The following ZGRF1 variants were observed in gnomAD, a reference collection of about 807,000 sequenced individuals.
ZGRF1 encodes the protein 5'-3' DNA helicase ZGRF1.
ZGRF1 carries 196 observed loss-of-function variants against 203.5 expected under a neutral mutation model. The ratio of observed to expected loss-of-function variants is 0.96; its 90% confidence interval spans 0.86 to 1.08. ZGRF1 has a LOEUF of 1.08. Ranked by LOEUF, ZGRF1 falls within the 50% of genes least tolerant of loss-of-function variation. The pLI is 0.00. For missense variants in ZGRF1, 2,326 were observed against 2,416.3 expected (o/e 0.96, Z 0.78); for synonymous variants, 809 against 841.3 (o/e 0.96, Z 0.66).
At chr4:112,593,508 T>A (rs1748511046) in intron 10 of ZGRF1, among the ~76,000 whole-genome samples, 1 of 152,204 alleles carries the variant, frequency 6.6e-6, no homozygotes, top group African/African-American at 2.4e-5. Flanking sequence ...GCACGCACAA[T>A]AAAAATCAAA....
chr4:112,619,728 C>A, intron 5 of ZGRF1, 38 bp from the exon 6 acceptor site: 2 of 1,437,464 alleles, frequency 1.4e-6, no homozygotes, highest in Admixed American at 2.3e-5. Context: ...GTACCATTAC[C>A]CATTAAGAAA....
chr4:112,581,082 G>A (rs1002339649), intron 16 of ZGRF1, among the ~76,000 whole-genome samples: 5 of 151,938 alleles, frequency 3.3e-5, no homozygotes, highest in African/African-American at 9.7e-5. Flanking sequence ...TATACACCAC[G>A]GAGTACTATG....
In ZGRF1 at chr4:112,558,143, T is replaced by C. The variant is rs762319445; in HGVS notation, c.5120+7A>G. ...ATTAGCTACTTAAATGCACTTGTCA[T>C]GCCTACCCAAGAAGTACTCTGTCAA... On this transcript the variant is annotated splice_region_variant and intron_variant, in intron 20 of 27. Coordinates refer to ENST00000505019, the MANE Select transcript of ZGRF1 (RefSeq NM_018392.5). The C allele has an allele frequency of 1.3e-6, 2 of 1,599,904 alleles. No individual in the cohort carries two copies. The highest frequency in any genetic ancestry group is 2.3e-5 in the South Asian group (2 of 88,102).
chr4:112,628,652 G>T, intron 3 of ZGRF1: 1 of 456,232 alleles, frequency 2.2e-6, no homozygotes, highest in South Asian at 1.5e-5. Context: ...GGACTAACTT[G>T]AATCTATCTT....
At chr4:112,622,008 G>A (rs562821614) in intron 4 of ZGRF1, among the ~76,000 whole-genome samples, 7 of 151,632 alleles carry the variant, frequency 4.6e-5, no homozygotes, top group East Asian at 2.0e-4. Flanking sequence ...GATTACAGGC[G>A]TGAGCCACCG....
chr4:112,540,179 T>C, intron 26 of ZGRF1, 55 bp from the exon 27 acceptor site: 1 of 1,336,426 alleles, frequency 7.5e-7, no homozygotes, highest in Non-Finnish European at 9.8e-7. Context: ...AACTTAAGCC[T>C]CTGAACCTGC....
Position 112,552,721 on chromosome 4 carries a change from G to A in ZGRF1, c.5346+1114C>T, listed in dbSNP as rs75860889. 6.9e-3 allele frequency among the ~76,000 whole-genome samples: 1,043 copies of A among 152,118 alleles called. 7 individuals carry two copies. The highest frequency in any genetic ancestry group is 0.014 in the Middle Eastern group (4 of 294). The stretch of plus-strand genomic sequence containing the variant: ...TTATTATTTTCAGTTTCTCCTTCCC[G>A]CCCTAGGAAAGTATTATTACATATC... On this transcript the variant is annotated intron_variant, in intron 22 of 27. Transcript: ENST00000505019.
At chr4:112,574,965 G>A (rs1250118360) in intron 16 of ZGRF1, among the ~76,000 whole-genome samples, 1 of 151,830 alleles carries the variant, frequency 6.6e-6, no homozygotes, top group African/African-American at 2.4e-5. Flanking sequence ...GGCAGAGACT[G>A]CAGTGAACCT....
intron 16 of ZGRF1, among the ~76,000 whole-genome samples, chr4:112,573,950 G>A (rs1299111788): frequency 6.6e-6 from 1 of 152,166 alleles, no homozygotes; most frequent in East Asian, 1.9e-4. Context: ...AGAGAAGTGT[G>A]AGCTAAAACC....
rs1467531259 is a variant in ZGRF1 at position 112,619,414 on chromosome 4, C to A, written c.628G>T (p.Glu210Ter). The A allele has an allele frequency of 6.2e-7, 1 of 1,613,212 alleles. No individual in the cohort carries two copies. The highest frequency in any genetic ancestry group is 1.1e-5 in the South Asian group (1 of 90,942). Reference protein sequence around the residue: ...FQINPEVLCEENYFCSPVNSG... With the variant: ...FQINPEVLCE ...TTGACAGGTGAGCAAAAATAATTTTCTTCACACAGCACTTCTGGGTTAATC... is the reference window on the plus strand; with the variant it reads ...TTGACAGGTGAGCAAAAATAATTTTATTCACACAGCACTTCTGGGTTAATC... Residue 210 changes from glutamate to a stop codon, truncating the protein, a stop_gained, in exon 6 of 28, where the codon GAA (glutamate) becomes TAA (stop). Coordinates refer to ENST00000505019, the MANE Select transcript of ZGRF1 (RefSeq NM_018392.5). LOFTEE classifies it high-confidence loss of function.
In ZGRF1 at chr4:112,618,168, A is replaced by G; in HGVS notation, c.1874T>C (p.Ile625Thr). The part of the protein sequence containing the change: ...DKTYVGFDMG[I>T]CKTENTGKEI... ...TTTTCCTGTGTTTTCAGTTTTACAT[A>G]TTCCCATGTCAAAACCCACATAAGT... The change falls in exon 6 of 28, where the codon ATA becomes ACA. Residue 625 changes from isoleucine to threonine, a missense_variant. Ile to Thr is a moderately conservative substitution (Grantham distance 89). Transcript: ENST00000505019. The G allele has an allele frequency of 6.2e-7, 1 of 1,613,696 alleles. No individual in the cohort carries two copies. Among genetic ancestry groups the G allele is most frequent in the Non-Finnish European group, 8.5e-7 (1 of 1,179,810 alleles).
Position 112,585,707 on chromosome 4 carries a change from A to C in ZGRF1, c.3935T>G (p.Leu1312Arg). 6.4e-7 allele frequency: 1 copy of C among 1,574,378 alleles called. No homozygotes were observed. Among genetic ancestry groups the C allele is most frequent in the African/African-American group, 1.4e-5 (1 of 72,442 alleles). ...CTGCAGGTTTTGTGCTAACCCAAAC[A>C]GCAATATATTTAGATGTTCTACAAA... ...SCLIEHLNIL[L>R]FGLAQNLQKA... Residue 1312 changes from leucine to arginine, a missense_variant, in exon 14 of 28, where the codon CTG becomes CGG. Coordinates refer to ENST00000505019, the MANE Select transcript of ZGRF1 (RefSeq NM_018392.5).
intron 16 of ZGRF1, among the ~76,000 whole-genome samples, chr4:112,581,106 G>T (rs1266992294): frequency 6.6e-6 from 1 of 151,820 alleles, no homozygotes; most frequent in African/African-American, 2.4e-5. Flanking sequence ...CCATAAAAAA[G>T]GATGAGTTCA....
chr4:112,560,633 C>G, intron 19 of ZGRF1, 100 bp downstream of exon 19: 1 of 1,053,230 alleles, frequency 9.5e-7, no homozygotes, highest in Non-Finnish European at 1.4e-6. Flanking sequence ...TAGAGTTATT[C>G]TTGAACCTCA....
chr4:112,541,520 T>C (rs534903412), intron 24 of ZGRF1, among the ~76,000 whole-genome samples: 2 of 148,014 alleles, frequency 1.4e-5, no homozygotes, highest in South Asian at 2.2e-4. Context: ...CCTAACATTA[T>C]GGTTTTTTGT....
chr4:112,619,066 G>A lies in ZGRF1; in HGVS notation c.976C>T (p.Arg326Trp), dbSNP rs1430429349. The A allele has an allele frequency of 4.3e-6, 7 of 1,613,742 alleles. No individual in the cohort carries two copies. Among genetic ancestry groups the A allele is most frequent in the Non-Finnish European group, 5.9e-6 (7 of 1,179,934 alleles). The change falls in exon 6 of 28, where the codon CGG becomes TGG. Residue 326 changes from arginine to tryptophan, a missense_variant. By Grantham distance (101) the Arg-to-Trp change is moderately radical. Coordinates refer to ENST00000505019, the MANE Select transcript of ZGRF1 (RefSeq NM_018392.5). ...TGTGAGGATAAATACATGGCCCACC[G>A]GCTTTTATTTCTCATGGTATTTTCT... ...QSENTMRNKS[R>W]WAMYLSSQSS...
chr4:112,611,974 T>C (rs1443523254), intron 7 of ZGRF1, among the ~76,000 whole-genome samples: 1 of 151,872 alleles, frequency 6.6e-6, no homozygotes, highest in African/African-American at 2.4e-5. Flanking sequence ...GGTTTTGTTT[T>C]TTTTTTTTGA....
chr4:112,539,599 T>C lies in ZGRF1; in HGVS notation c.6263A>G (p.Lys2088Arg), dbSNP rs547506061. The stretch of plus-strand genomic sequence containing the variant: ...CTCTTTTTCACTCTTTTTCTTCTGT[T>C]TTTCTTCCACTTGTTTTTCAAAATA... ...KDYFEKQVEEKQKKKSEKEKS... is the reference protein window; with the variant it reads ...KDYFEKQVEERQKKKSEKEKS... Residue 2088 changes from lysine (K) to arginine (R), a missense_variant, in exon 28 of 28, where the codon AAA (lysine) becomes AGA (arginine). By Grantham distance (26) the Lys-to-Arg change is conservative (BLOSUM62 2). Coordinates refer to ENST00000505019, the MANE Select transcript of ZGRF1 (RefSeq NM_018392.5). 7.0e-6 allele frequency: 11 copies of C among 1,569,772 alleles called. No individual in the cohort carries two copies. In the South Asian group the frequency reaches 1.2e-4, roughly 17 times the overall value.
Position 112,563,284 on chromosome 4 carries a change from C to T in ZGRF1, c.4439-10G>A. On this transcript the variant is annotated splice_polypyrimidine_tract_variant and intron_variant, in intron 16 of 27. Coordinates refer to ENST00000505019, the MANE Select transcript of ZGRF1 (RefSeq NM_018392.5). ...ACCACCCAAAGATCATCTGAAAAGA[C>T]AAACATTTTTAAATATTACACAGAC... 6.5e-7 allele frequency: 1 copy of T among 1,545,948 alleles called. No homozygotes were observed. The highest frequency in any genetic ancestry group is 1.2e-5 in the South Asian group (1 of 83,598).
Sources: gnomAD v4.1 joint callset for allele counts (sites outside exome capture counted in the v4.1 genomes callset) on GRCh38, gnomAD v4.1.1 for gene constraint, MANE v1.5 for transcripts, NCBI Gene and HGNC (gene_info 2026-07-23, HGNC 2026-07-21) for gene names.